The following SCGN variants were observed in gnomAD, a reference collection of about 807,000 sequenced individuals.
The protein encoded by SCGN is secretagogin.
A neutral mutation model predicts 39.7 loss-of-function variants in SCGN; 30 were observed. The ratio of observed to expected loss-of-function variants is 0.76; its 90% confidence interval spans 0.57 to 1.03. SCGN has a LOEUF of 1.03. SCGN is among the 50% of genes least tolerant of loss of function. SCGN has a pLI of 0.00. For missense variants in SCGN, 353 were observed against 349.4 expected, an observed-to-expected ratio of 1.01 and a Z score of -0.08; for synonymous variants, 106 against 114.1, an observed-to-expected ratio of 0.93 and a Z score of 0.45.
intron 4 of SCGN, among the ~76,000 whole-genome samples, chr6:25,667,529 A>G (rs1365043740): frequency 1.3e-5 from 2 of 152,194 alleles, no homozygotes; most frequent in African/African-American, 4.8e-5. Flanking sequence ...ATTGTCCAGA[A>G]TATTAGTTCT....
intron 10 of SCGN, among the ~76,000 whole-genome samples, chr6:25,695,959 A>G (rs1439155294): frequency 6.6e-6 from 1 of 152,202 alleles, no homozygotes; most frequent in Non-Finnish European, 1.5e-5. Context: ...AGAAATATGA[A>G]CACTAACATC....
intron 2 of SCGN, among the ~76,000 whole-genome samples, chr6:25,655,699 T>C (rs187150786): frequency 5.1e-4 from 78 of 152,330 alleles, no homozygotes; most frequent in Admixed American, 2.4e-3. Flanking sequence ...CTAGGTCTCA[T>C]CCTGTAGGTA....
intron 7 of SCGN, among the ~76,000 whole-genome samples, chr6:25,687,338 T>C (rs1401646310): frequency 2.0e-5 from 3 of 152,174 alleles, no homozygotes; most frequent in Non-Finnish European, 2.9e-5. Flanking sequence ...GTCTTTTCAT[T>C]TACTTAGCTC....
intron 7 of SCGN, among the ~76,000 whole-genome samples, chr6:25,686,611 G>A (rs1027242331): frequency 6.6e-6 from 1 of 152,112 alleles, no homozygotes; most frequent in Non-Finnish European, 1.5e-5. Flanking sequence ...CTTATCAGAT[G>A]TATAATCAGC....
rs368990080 is a variant in SCGN at position 25,665,012 on chromosome 6, A to C, written c.316A>C (p.Ser106Arg). ...CTTTCGCCGGGAAAACCCACTGGAC[A>C]GCAGCGTGGAGTTTATGCAGGTGAG... ...LLFRRENPLD[S>R]SVEFMQIWRK... The change falls in exon 4 of 11, where the codon AGC (serine) becomes CGC (arginine). Residue 106 changes from serine to arginine, a missense_variant. Physicochemically the swap from Ser to Arg is moderately radical, Grantham distance 110. Coordinates refer to ENST00000377961, the MANE Select transcript of SCGN (RefSeq NM_006998.4). The C allele has an allele frequency of 1.4e-5, 23 of 1,613,768 alleles. No individual in the cohort carries two copies. The highest frequency in any genetic ancestry group is 1.2e-4 in the African/African-American group (9 of 74,914).
intron 4 of SCGN, among the ~76,000 whole-genome samples, chr6:25,668,515 A>G (rs1392468532): frequency 6.6e-6 from 1 of 152,228 alleles, no homozygotes; most frequent in Non-Finnish European, 1.5e-5. Flanking sequence ...AAGATTTCTT[A>G]GAGGACTTTT....
In SCGN at chr6:25,684,083, T is replaced by G. The variant is rs1003367165; in HGVS notation, c.527+2077T>G. Among the ~76,000 whole-genome samples the G allele has an allele frequency of 1.6e-4, 24 of 152,198 alleles. 2 individuals carry two copies. The highest frequency in any genetic ancestry group is 6.3e-3 in the Middle Eastern group (2 of 316). The stretch of plus-strand genomic sequence containing the variant: ...TGTACAAAATGCTAGTTGTGCCCCC[T>G]TTATCACTGTGATAACTAATAGGGC... On this transcript the variant is annotated intron_variant, in intron 7 of 10. Transcript: ENST00000377961.
chr6:25,701,352 C>T lies in SCGN; in HGVS notation c.*17C>T. 1 of 1,606,290 alleles carries T rather than the reference C, an allele frequency of 6.2e-7. No individual in the cohort carries two copies. Among genetic ancestry groups the T allele is most frequent in the Non-Finnish European group, 8.5e-7 (1 of 1,176,768 alleles). Reference sequence around the variant, plus strand: ...AACCCATAATCCCAGACTGCTTTGCCTTTTGCTCTTACTATGTTTCTGTGA... The same window carrying T: ...AACCCATAATCCCAGACTGCTTTGCTTTTTGCTCTTACTATGTTTCTGTGA... On this transcript the variant is annotated 3_prime_UTR_variant, in exon 11 of 11. Transcript: ENST00000377961.
intron 9 of SCGN, among the ~76,000 whole-genome samples, chr6:25,689,898 TA>T (rs1384280843): frequency 6.6e-6 from 1 of 152,194 alleles, no homozygotes; most frequent in Non-Finnish European, 1.5e-5. Flanking sequence ...CATACCTATT[TA>T]TCATAAAAAC....
At chr6:25,671,718 A>G (rs924393634) in intron 6 of SCGN, among the ~76,000 whole-genome samples, 8 of 152,208 alleles carry the variant, frequency 5.3e-5, no homozygotes, top group Non-Finnish European at 1.2e-4. Flanking sequence ...CTTTTGACCT[A>G]AGCTCCAGTG....
intron 7 of SCGN, among the ~76,000 whole-genome samples, chr6:25,686,806 C>A (rs1759711387): frequency 1.3e-5 from 2 of 151,936 alleles, no homozygotes; most frequent in South Asian, 4.1e-4. Context: ...CGTTTGTTTC[C>A]TTCTAAGAGT....
chr6:25,659,795 A>C (rs377022998), intron 2 of SCGN, among the ~76,000 whole-genome samples: 3 of 149,452 alleles, frequency 2.0e-5, no homozygotes, highest in Admixed American at 6.6e-5. Flanking sequence ...TGCCAGGCTA[A>C]AGTGTTTTAG....
At chr6:25,675,535 C>T (rs1459490485) in intron 6 of SCGN, among the ~76,000 whole-genome samples, 4 of 152,222 alleles carry the variant, frequency 2.6e-5, no homozygotes, top group Admixed American at 1.3e-4. Flanking sequence ...ATTCCAAGCC[C>T]TGTCTTTTGG....
intron 6 of SCGN, 53 bp downstream of exon 6, chr6:25,670,129 C>A: frequency 1.6e-6 from 2 of 1,220,808 alleles, no homozygotes; most frequent in Non-Finnish European, 2.4e-6. Context: ...ACTCCCTCCC[C>A]AGACCCCAGA....
intron 10 of SCGN, among the ~76,000 whole-genome samples, chr6:25,697,253 T>C (rs1023786249): frequency 2.0e-5 from 3 of 152,254 alleles, no homozygotes; most frequent in African/African-American, 7.2e-5. Context: ...AATAATGTCT[T>C]AACTTCTGCC....
chr6:25,665,341 T>C (rs1760407302), intron 4 of SCGN, among the ~76,000 whole-genome samples: 1 of 152,190 alleles, frequency 6.6e-6, no homozygotes, highest in Non-Finnish European at 1.5e-5. Context: ...ACTATGGAAA[T>C]TGGAGAGCAT....
intron 10 of SCGN, among the ~76,000 whole-genome samples, chr6:25,700,160 G>A (rs531550778): frequency 4.8e-5 from 7 of 144,636 alleles, no homozygotes; most frequent in Non-Finnish European, 1.0e-4. Context: ...TGGGAGAATC[G>A]CTTGAACCCG....
chr6:25,691,158 T>C, intron 10 of SCGN, 34 bp downstream of exon 10: 1 of 1,490,970 alleles, frequency 6.7e-7, no homozygotes, highest in East Asian at 2.3e-5. Flanking sequence ...TGAAGTGGGG[T>C]TGTTGTTTTG....
intron 10 of SCGN, among the ~76,000 whole-genome samples, chr6:25,699,213 G>C (rs1759876482): frequency 1.3e-5 from 2 of 152,028 alleles, no homozygotes; most frequent in South Asian, 4.2e-4. Context: ...TTTTCTCTCT[G>C]TACATTGACT....
Sources: gnomAD v4.1 joint callset for allele counts (sites outside exome capture counted in the v4.1 genomes callset) on GRCh38, gnomAD v4.1.1 for gene constraint, MANE v1.5 for transcripts, NCBI Gene and HGNC (gene_info 2026-07-23, HGNC 2026-07-21) for gene names.